Variants in SPTBN2 observed in about 807,000 individuals in gnomAD.
SPTBN2 encodes the protein spectrin beta chain, non-erythrocytic 2.
In SPTBN2, 107 loss-of-function variants were observed where a neutral mutation model predicts 284.2. The observed-to-expected ratio is 0.38, with a 90% CI of 0.32 to 0.44. The LOEUF (loss-of-function observed/expected upper bound fraction) is 0.44. SPTBN2 is among the 20% of genes least tolerant of loss of function. The pLI, the probability that SPTBN2 is intolerant of heterozygous loss-of-function variation, is 1.00. For missense variants in SPTBN2, 2,569 were observed against 3,287.1 expected (o/e 0.78, Z 5.34); for synonymous variants, 1,289 against 1,354.8 (o/e 0.95, Z 1.07).
At chr11:66,726,010 A>T (rs1367338611) in intron 1 of SPTBN2, among the ~76,000 whole-genome samples, 1 of 152,068 alleles carries the variant, frequency 6.6e-6, no homozygotes, top group Non-Finnish European at 1.5e-5. Flanking sequence ...ATCACATCGC[A>T]TTACGGTTAG....
At position 66,686,409 on chromosome 11, in the gene SPTBN2, C is replaced by T. The variant is rs1940115809; in HGVS notation, c.6928G>A (p.Ala2310Thr). ...GAAGGACAGCTCACCTCATCCTTGG[C>T]CTGGAATAAATATTCTTTTCCATCC... ...LQDGKEYLFQ[A>T]KDEAEMSSWL... The change falls in exon 37 of 38, where the codon GCC becomes ACC. Residue 2310 changes from alanine (A) to threonine (T), a missense_variant. Physicochemically the swap from Ala to Thr is moderately conservative, Grantham distance 58. Coordinates refer to ENST00000533211, the MANE Select transcript of SPTBN2 (RefSeq NM_006946.4). 6.2e-7 allele frequency: 1 copy of T among 1,614,084 alleles called. No individual in the cohort carries two copies. Among genetic ancestry groups the T allele is most frequent in the Non-Finnish European group, 8.5e-7 (1 of 1,179,966 alleles).
intron 20 of SPTBN2, 60 bp downstream of exon 20, chr11:66,698,579 A>G: frequency 6.2e-7 from 1 of 1,611,922 alleles, no homozygotes; most frequent in Non-Finnish European, 8.5e-7. Flanking sequence ...TCCTGGAGCC[A>G]GGCCCTCCCC....
In SPTBN2 at chr11:66,691,412, C is replaced by T; in HGVS notation, c.5437G>A (p.Ala1813Thr). 6.2e-7 allele frequency: 1 copy of T among 1,611,858 alleles called. No homozygotes were observed. Among genetic ancestry groups the T allele is most frequent in the Non-Finnish European group, 8.5e-7 (1 of 1,179,106 alleles). The change falls in exon 27 of 38, where the codon GCC becomes ACC. Residue 1813 changes from alanine (A) to threonine (T), a missense_variant. Around this residue, in one of 6 missense-constraint regions of SPTBN2, gnomAD observed 1,130 missense variants for 1,317.3 expected, o/e 0.86. Transcript: ENST00000533211. The surrounding 1 kb of genome is among the most constrained non-coding windows in gnomAD (Gnocchi z 8.0). ...TGCTTGTGCTGCACCCGCGCCAGGG[C>T]TTGGCGTGCCCCGTGCAGGAAGCGC... is the stretch of plus-strand genomic sequence containing the variant. ...LQRFLHGARQ[A>T]LARVQHKQQQ...
In SPTBN2 at chr11:66,694,153, C is replaced by T. The variant is rs752328577; in HGVS notation, c.4489G>A (p.Val1497Met). The change falls in exon 22 of 38, where the codon GTG becomes ATG. Residue 1497 changes from valine to methionine, a missense_variant. Transcript: ENST00000533211. ...CAGTGACTCACAATCTCATCTTCCA[C>T]ATCGCGGTGGAACTGGTGCTGCTCG... is the stretch of plus-strand genomic sequence containing the variant. The part of the protein sequence containing the change: ...SREQHQFHRD[V>M]EDEILWVTER... 1 of 1,608,080 alleles carries T rather than the reference C, an allele frequency of 6.2e-7. No individual in the cohort carries two copies. The highest frequency in any genetic ancestry group is 8.5e-7 in the Non-Finnish European group (1 of 1,180,016).
Position 66,701,638 on chromosome 11 carries a change from G to A in SPTBN2, c.2762C>T (p.Ala921Val). 1 of 1,614,048 alleles carries A rather than the reference G, an allele frequency of 6.2e-7. No individual in the cohort carries two copies. The highest frequency in any genetic ancestry group is 8.5e-7 in the Non-Finnish European group (1 of 1,180,026). Residue 921 changes from alanine (A) to valine (V), a missense_variant, in exon 16 of 38, where the codon GCC becomes GTC. Physicochemically the swap from Ala to Val is moderately conservative, Grantham distance 64. This residue lies in a region of SPTBN2 where 1,012 missense variants were observed against 1,248.9 expected (regional missense o/e 0.81). Coordinates refer to ENST00000533211, the MANE Select transcript of SPTBN2 (RefSeq NM_006946.4). The part of the protein sequence containing the change: ...VNDIAEQLLK[A>V]NPPGKDRIVN... ...AATGCGGTCTTTGCCTGGGGGGTTGGCCTTCAGTAACTGCTCGGCAATGTC... is the reference window on the plus strand; with the variant it reads ...AATGCGGTCTTTGCCTGGGGGGTTGACCTTCAGTAACTGCTCGGCAATGTC...
chr11:66,686,326 G>A lies in SPTBN2; in HGVS notation c.6939+72C>T, dbSNP rs1215288225. 3.8e-6 allele frequency: 6 copies of A among 1,587,156 alleles called. No homozygotes were observed. The African/African-American group carries it at 8.1e-5, about 21-fold the overall frequency. On this transcript the variant is annotated intron_variant, in intron 37 of 37. Coordinates refer to ENST00000533211, the MANE Select transcript of SPTBN2 (RefSeq NM_006946.4). ...GACCAGGAAAAAGAGGGAGGACAGGGAAAGAAGGGGAGTCTGCAGCTGGAA... is the reference window on the plus strand; with the variant it reads ...GACCAGGAAAAAGAGGGAGGACAGGAAAAGAAGGGGAGTCTGCAGCTGGAA...
rs1219690631 is a variant in SPTBN2 at position 66,710,572 on chromosome 11, G to C, written c.1073+10C>G. 6.2e-7 allele frequency: 1 copy of C among 1,612,788 alleles called. No individual in the cohort carries two copies. Among genetic ancestry groups the C allele is most frequent in the South Asian group, 1.1e-5 (1 of 90,778 alleles). Reference sequence around the variant, plus strand: ...AGCTCAGGGAAGGGTGGGGCCCCAGGGACACCTACTTGGGCGGCTTCTCCA... The same window carrying C: ...AGCTCAGGGAAGGGTGGGGCCCCAGCGACACCTACTTGGGCGGCTTCTCCA... On this transcript the variant is annotated intron_variant, in intron 10 of 37. Transcript: ENST00000533211. The surrounding 1 kb of genome is among the most constrained non-coding windows in gnomAD (Gnocchi z 4.9).
At chr11:66,743,145 GT>G (rs1316324058) in intron 1 of SPTBN2, among the ~76,000 whole-genome samples, 1 of 150,780 alleles carries the variant, frequency 6.6e-6, no homozygotes, top group Non-Finnish European at 1.5e-5. Flanking sequence ...TGCGGGGGGT[GT>G]GGGGGGAATG....
chr11:66,699,557 C>T lies in SPTBN2; in HGVS notation c.3625G>A (p.Ala1209Thr), dbSNP rs1258258653. 1 of 1,614,182 alleles carries T rather than the reference C, an allele frequency of 6.2e-7. No individual in the cohort carries two copies. ...EMPGTLQAADAAIKKLEDFMS... is the reference protein window; with the variant it reads ...EMPGTLQAADTAIKKLEDFMS... ...AAGTCCTCCAGTTTTTTAATGGCAG[C>T]ATCAGCAGCCTGGAGTGTCCCTGGC... Residue 1209 changes from alanine to threonine, a missense_variant, in exon 18 of 38, where the codon GCT (alanine) becomes ACT (threonine). Physicochemically the swap from Ala to Thr is moderately conservative, Grantham distance 58 (BLOSUM62 0). This residue lies in a region of SPTBN2 where 1,012 missense variants were observed against 1,248.9 expected (regional missense o/e 0.81). Transcript: ENST00000533211.
intron 15 of SPTBN2, among the ~76,000 whole-genome samples, chr11:66,702,996 G>A (rs540377993): frequency 6.6e-6 from 1 of 151,452 alleles, no homozygotes; most frequent in South Asian, 2.1e-4. Context: ...CAGGCAGCAG[G>A]CTGGATTTGG....
In SPTBN2 at chr11:66,703,972, C is replaced by CTTT. The variant is rs11286358; in HGVS notation, c.2678+623_2678+625dup. 8.0e-3 allele frequency among the ~76,000 whole-genome samples: 879 copies of CTTT among 109,728 alleles called. 22 individuals carry two copies. The highest frequency in any genetic ancestry group is 0.026 in the African/African-American group (821 of 31,106). The allele number at this position is 109,728 out of a possible 152,430, so 72.0% of individuals were successfully genotyped here. On this transcript the variant is annotated intron_variant, in intron 15 of 37. Transcript: ENST00000533211. The stretch of plus-strand genomic sequence containing the variant: ...AAGAATGCTTCCTCGTATTTCTTTT[C>CTTT]TTTTTTTTTTTTTTTTTTTTGAGAC...
intron 1 of SPTBN2, among the ~76,000 whole-genome samples, chr11:66,738,219 AAAAC>A (rs1211186751): frequency 3.3e-5 from 5 of 152,334 alleles, no homozygotes; most frequent in East Asian, 1.9e-4. Flanking sequence ...CGGTCTCAAA[AAAAC>A]AAACAAACAA....
At position 66,713,711 on chromosome 11, in the gene SPTBN2, C is replaced by T. The variant is rs773129687; in HGVS notation, c.692G>A (p.Cys231Tyr). The T allele has an allele frequency of 9.3e-6, 15 of 1,614,018 alleles. No homozygotes were observed. The African/African-American group carries it at 9.3e-5, about 10-fold the overall frequency. The stretch of plus-strand genomic sequence containing the variant: ...ATTCTGCAGATTATAGTGTGCATTA[C>T]ACTTCTTCAGAGACTCAAAATCCAG... ...DLLDFESLKK[C>Y]NAHYNLQNAF... The change falls in exon 8 of 38, where the codon TGT becomes TAT. Residue 231 changes from cysteine to tyrosine, a missense_variant. By Grantham distance (194) the Cys-to-Tyr change is radical. Transcript: ENST00000533211.
At chr11:66,689,283 CTTT>C in intron 29 of SPTBN2, 103 bp from the exon 30 acceptor site, 1 of 1,107,638 alleles carries the variant, frequency 9.0e-7, no homozygotes, top group Non-Finnish European at 1.3e-6. Context: ...TTCTTTCTTT[CTTT>C]TTTTTGAGAC....
rs55950324 is a variant in SPTBN2 at position 66,683,063 on chromosome 11, A to ATTTT, written c.*2804_*2807dup. ...ACCACCATGCCTGGCCAAGTAATCC[A>ATTTT]TTTTTTTTTTTTTTTTTTTTTTGAG... On this transcript the variant is annotated 3_prime_UTR_variant, in exon 38 of 38. Coordinates refer to ENST00000533211, the MANE Select transcript of SPTBN2 (RefSeq NM_006946.4). Among the ~76,000 whole-genome samples the ATTTT allele has an allele frequency of 7.5e-4, 72 of 95,722 alleles. 3 individuals carry two copies. The highest frequency in any genetic ancestry group is 1.8e-3 in the East Asian group (6 of 3,288). The allele number at this position is 95,722 out of a possible 152,430, so 62.8% of individuals were successfully genotyped here. A position where few individuals can be genotyped will look rare whatever the true frequency, so the allele number is the denominator to read the frequency against.
At chr11:66,702,501 G>A (rs1045381714) in intron 15 of SPTBN2, among the ~76,000 whole-genome samples, 34 of 152,180 alleles carry the variant, frequency 2.2e-4, no homozygotes, top group African/African-American at 6.5e-4. Context: ...GTCTGCAAAT[G>A]TTTTCTGTGA....
chr11:66,692,833 A>C, intron 25 of SPTBN2, 93 bp from the exon 26 acceptor site: 1 of 1,596,178 alleles, frequency 6.3e-7, no homozygotes, highest in Non-Finnish European at 8.5e-7. Context: ...TGAGTCTCCC[A>C]ACAGCTCGCC....
At chr11:66,705,897 C>T (rs1053643489) in intron 13 of SPTBN2, 60 bp from the exon 14 acceptor site, 10 of 1,578,416 alleles carry the variant, frequency 6.3e-6, no homozygotes, top group African/African-American at 1.3e-5. Flanking sequence ...AACCTGGCTG[C>T]GTTTTTCTTC....
chr11:66,692,655 G>C lies in SPTBN2; in HGVS notation c.5071C>G (p.Gln1691Glu). The change falls in exon 26 of 38, where the codon CAG becomes GAG. Residue 1691 changes from glutamine to glutamate, a missense_variant. Gln to Glu is a conservative substitution (Grantham distance 29). Transcript: ENST00000533211. ...AGCTGGCACAGCCGGAGGTGCTCCTGCAGGCGCTCCCGCCGCTCTCCAGCC... is the reference window on the plus strand; with the variant it reads ...AGCTGGCACAGCCGGAGGTGCTCCTCCAGGCGCTCCCGCCGCTCTCCAGCC... The part of the protein sequence containing the change: ...ELAGERRERL[Q>E]EHLRLCQLRR... The C allele has an allele frequency of 6.2e-7, 1 of 1,604,606 alleles. No individual in the cohort carries two copies. The highest frequency in any genetic ancestry group is 8.5e-7 in the Non-Finnish European group (1 of 1,179,926).
Sources: gnomAD v4.1 joint callset for allele counts (sites outside exome capture counted in the v4.1 genomes callset) on GRCh38, gnomAD v4.1.1 for gene constraint, gnomAD v4.1.1 regional missense constraint, Gnocchi (gnomAD v3.1) non-coding constraint, MANE v1.5 for transcripts, NCBI Gene and HGNC (gene_info 2026-07-23, HGNC 2026-07-21) for gene names.